Variants in DTNA observed in about 807,000 individuals in gnomAD.
The protein encoded by DTNA is dystrobrevin alpha.
In DTNA, 43 loss-of-function variants were observed where a neutral mutation model predicts 100.7. The observed-to-expected ratio is 0.43, with a 90% CI of 0.33 to 0.55. The LOEUF (loss-of-function observed/expected upper bound fraction) is 0.55, where lower values mean the gene tolerates loss of function less well. DTNA is among the 20% of genes least tolerant of loss of function. The pLI is 0.04. For missense variants in DTNA, 798 were observed against 953.9 expected (o/e 0.84, Z 2.15); for synonymous variants, 349 against 347.9 (o/e 1.00, Z -0.04).
At chr18:34,637,843 A>G (rs2730122) in intron 1 of DTNA, among the ~76,000 whole-genome samples, 26,939 of 152,224 alleles carry the variant, frequency 0.18, 3,270 homozygotes, top group African/African-American at 0.35. Context: ...AATAAGGCCA[A>G]TTAGCTGGGT....
intron 1 of DTNA, among the ~76,000 whole-genome samples, chr18:34,514,900 A>G (rs2041445453): frequency 6.6e-6 from 1 of 152,010 alleles, no homozygotes; most frequent in African/African-American, 2.4e-5. Context: ...TGTGAGTTTC[A>G]GGGGGACACA....
intron 1 of DTNA, among the ~76,000 whole-genome samples, chr18:34,499,653 C>T (rs1421036923): frequency 6.6e-6 from 1 of 152,116 alleles, no homozygotes; most frequent in African/African-American, 2.4e-5. Context: ...TATTGCTGTG[C>T]TGTATTTTAG....
intron 1 of DTNA, among the ~76,000 whole-genome samples, chr18:34,722,272 G>T (rs559010694): frequency 6.6e-6 from 1 of 152,112 alleles, no homozygotes; most frequent in Admixed American, 6.6e-5. Context: ...CAATTAAGTT[G>T]AACTATAATT....
chr18:34,587,432 G>T (rs887845105), intron 1 of DTNA, among the ~76,000 whole-genome samples: 5 of 151,938 alleles, frequency 3.3e-5, no homozygotes, highest in African/African-American at 1.2e-4. Flanking sequence ...GAAATGCTGT[G>T]CCTGTTCTTT....
chr18:34,563,861 C>T (rs1251014081), intron 1 of DTNA, among the ~76,000 whole-genome samples: 1 of 152,094 alleles, frequency 6.6e-6, no homozygotes, highest in Non-Finnish European at 1.5e-5. Flanking sequence ...TGCAAGAACC[C>T]CCAACTAAGA....
intron 1 of DTNA, among the ~76,000 whole-genome samples, chr18:34,701,675 C>T (rs192445403): frequency 5.3e-5 from 8 of 152,288 alleles, no homozygotes; most frequent in East Asian, 3.9e-4. Flanking sequence ...ATTCCCTCAG[C>T]GCATTCCTGC....
intron 3 of DTNA, among the ~76,000 whole-genome samples, chr18:34,778,216 G>A (rs1426413547): frequency 6.6e-6 from 1 of 152,124 alleles, no homozygotes; most frequent in Non-Finnish European, 1.5e-5. Flanking sequence ...ACAGGAGATG[G>A]GGAGGGATGA....
At chr18:34,880,360 G>C (rs1288222657) in intron 20 of DTNA, among the ~76,000 whole-genome samples, 1 of 152,130 alleles carries the variant, frequency 6.6e-6, no homozygotes, top group Non-Finnish European at 1.5e-5. Flanking sequence ...AGTCAACAGA[G>C]AAAACCAAAG....
intron 1 of DTNA, among the ~76,000 whole-genome samples, chr18:34,674,997 C>T (rs1368450900): frequency 6.6e-6 from 1 of 152,064 alleles, no homozygotes; most frequent in Non-Finnish European, 1.5e-5. Context: ...GAGGAAGCTT[C>T]AAAAGGGAAG....
intron 17 of DTNA, among the ~76,000 whole-genome samples, chr18:34,865,365 CTTTGT>C (rs1258516657): frequency 6.7e-6 from 1 of 150,180 alleles, no homozygotes. Context: ...CTCTTTCCTT[CTTTGT>C]TTTATTTTTT....
intron 1 of DTNA, among the ~76,000 whole-genome samples, chr18:34,728,683 G>C (rs891251792): frequency 6.6e-6 from 1 of 152,178 alleles, no homozygotes; most frequent in Non-Finnish European, 1.5e-5. Flanking sequence ...TCTCTTCCCT[G>C]TTTCAAGGCT....
At chr18:34,825,232 G>T in intron 9 of DTNA, 1 of 1,612,786 alleles carries the variant, frequency 6.2e-7, no homozygotes, top group African/African-American at 1.3e-5. Flanking sequence ...CATGATTAAC[G>T]GTCTCTATTC....
chr18:34,505,174 G>A (rs1374079700), intron 1 of DTNA, among the ~76,000 whole-genome samples: 1 of 152,154 alleles, frequency 6.6e-6, no homozygotes, highest in East Asian at 1.9e-4. Context: ...CTATTACTTT[G>A]CTTTCTTTAG....
intron 1 of DTNA, among the ~76,000 whole-genome samples, chr18:34,748,541 C>T (rs1349720085): frequency 6.6e-6 from 1 of 152,072 alleles, no homozygotes; most frequent in African/African-American, 2.4e-5. Flanking sequence ...CCAGTTTTTC[C>T]AACACCACTT....
intron 3 of DTNA, among the ~76,000 whole-genome samples, chr18:34,772,426 C>G (rs539179345): frequency 1.3e-5 from 2 of 152,080 alleles, no homozygotes; most frequent in Non-Finnish European, 2.9e-5. Flanking sequence ...CTAAATGTTT[C>G]TCTATCACCA....
At chr18:34,644,974 G>A (rs954300659) in intron 1 of DTNA, among the ~76,000 whole-genome samples, 4 of 151,990 alleles carry the variant, frequency 2.6e-5, no homozygotes, top group African/African-American at 4.8e-5. Flanking sequence ...TTCAATTGTT[G>A]CCCTTTAGGA....
intron 1 of DTNA, among the ~76,000 whole-genome samples, chr18:34,740,455 A>G (rs2090425364): frequency 6.6e-6 from 1 of 152,124 alleles, no homozygotes; most frequent in African/African-American, 2.4e-5. Flanking sequence ...ATAAATGCAG[A>G]CACTGAAGCT....
intron 3 of DTNA, among the ~76,000 whole-genome samples, chr18:34,768,048 T>G (rs2148525818): frequency 6.6e-6 from 1 of 152,246 alleles, no homozygotes. Flanking sequence ...AGTTTCCTCT[T>G]CCCCTTCAAA....
At chr18:34,663,729 A>G (rs1360956254) in intron 1 of DTNA, among the ~76,000 whole-genome samples, 2 of 152,222 alleles carry the variant, frequency 1.3e-5, no homozygotes, top group Non-Finnish European at 2.9e-5. Context: ...TCTGACAATG[A>G]TAAAATTCAA....
Sources: gnomAD v4.1 joint callset for allele counts (sites outside exome capture counted in the v4.1 genomes callset) on GRCh38, gnomAD v4.1.1 for gene constraint, MANE v1.5 for transcripts, NCBI Gene and HGNC (gene_info 2026-07-23, HGNC 2026-07-21) for gene names.